The following RGS6 variants were observed in gnomAD, a reference collection of about 807,000 sequenced individuals.
The protein encoded by RGS6 is regulator of G-protein signaling 6.
RGS6 carries 30 observed loss-of-function variants against 78.5 expected under a neutral mutation model. That is an observed-to-expected ratio of 0.38 (90% CI 0.29 to 0.52). RGS6 has a LOEUF of 0.52. Ranked by LOEUF, RGS6 falls within the 20% of genes least tolerant of loss-of-function variation. The pLI is 0.85. For synonymous variants in RGS6, 206 were observed against 206.0 expected (o/e 1.00, Z 0.00); for missense variants, 495 against 609.7 (o/e 0.81, Z 1.98).
intron 2 of RGS6, among the ~76,000 whole-genome samples, chr14:72,027,003 G>T (rs1312878440): frequency 6.6e-6 from 1 of 152,106 alleles, no homozygotes; most frequent in Non-Finnish European, 1.5e-5. Context: ...CACAGATCTA[G>T]GCCTGGGGCT....
chr14:72,292,978 G>C (rs1366457176), intron 2 of RGS6, among the ~76,000 whole-genome samples: 1 of 152,154 alleles, frequency 6.6e-6, no homozygotes, highest in African/African-American at 2.4e-5. Context: ...CATCCCTGAA[G>C]GCTACTGACT....
chr14:72,518,311 G>C (rs1408418151), intron 14 of RGS6, 40 bp from the exon 15 acceptor site: 1 of 1,588,168 alleles, frequency 6.3e-7, no homozygotes, highest in Non-Finnish European at 8.6e-7. Context: ...TCCCGATGCT[G>C]AGCCCCCTGG....
At chr14:72,033,189 A>T (rs1164624880) in intron 2 of RGS6, among the ~76,000 whole-genome samples, 1 of 152,190 alleles carries the variant, frequency 6.6e-6, no homozygotes, top group Non-Finnish European at 1.5e-5. Flanking sequence ...AATTTATTAA[A>T]TACTGTACCA....
chr14:72,568,870 C>G (rs914891512), downstream of RGS6, among the ~76,000 whole-genome samples: 1 of 152,236 alleles, frequency 6.6e-6, no homozygotes. Flanking sequence ...TGGACCTCCA[C>G]GGGAGGGGCA....
chr14:72,227,885 G>A (rs778272096), intron 2 of RGS6, among the ~76,000 whole-genome samples: 54 of 152,060 alleles, frequency 3.6e-4, no homozygotes, highest in Non-Finnish European at 4.9e-4. Flanking sequence ...CTGGGGAGGG[G>A]GGAAGAGCAA....
intron 2 of RGS6, among the ~76,000 whole-genome samples, chr14:72,347,862 A>G (rs1476217226): frequency 6.6e-6 from 1 of 152,218 alleles, no homozygotes; most frequent in Non-Finnish European, 1.5e-5. Flanking sequence ...TCCAGCAAGG[A>G]AGAAATGAAT....
chr14:71,970,577 T>C (rs1477302246), intron 2 of RGS6, among the ~76,000 whole-genome samples: 1 of 152,124 alleles, frequency 6.6e-6, no homozygotes, highest in Non-Finnish European at 1.5e-5. Context: ...TTGGAATTCA[T>C]AGAGGGCAGT....
chr14:72,136,305 A>G (rs1212915401), intron 2 of RGS6, among the ~76,000 whole-genome samples: 1 of 152,190 alleles, frequency 6.6e-6, no homozygotes, highest in Non-Finnish European at 1.5e-5. Context: ...TCTTTAGCAT[A>G]GAGCGAATAT....
chr14:71,979,872 C>G (rs893648191), intron 2 of RGS6, among the ~76,000 whole-genome samples: 1 of 148,600 alleles, frequency 6.7e-6, no homozygotes. Context: ...GTTAAAGTCT[C>G]CCATTATTAA....
intron 3 of RGS6, among the ~76,000 whole-genome samples, chr14:72,361,842 G>T (rs1311272873): frequency 1.3e-5 from 2 of 152,104 alleles, no homozygotes; most frequent in Non-Finnish European, 2.9e-5. Flanking sequence ...TAGAGAAGAG[G>T]GAGGGGATGA....
intron 2 of RGS6, among the ~76,000 whole-genome samples, chr14:72,248,355 T>G (rs2054762121): frequency 6.6e-6 from 1 of 152,108 alleles, no homozygotes; most frequent in Non-Finnish European, 1.5e-5. Flanking sequence ...TCTCATGGAG[T>G]TTTTTGTTTG....
chr14:72,472,602 TCC>T (rs2096114421), intron 8 of RGS6, among the ~76,000 whole-genome samples: 1 of 152,194 alleles, frequency 6.6e-6, no homozygotes, highest in Non-Finnish European at 1.5e-5. Flanking sequence ...TTCTTATTCT[TCC>T]CTTAGGCCAC....
intron 2 of RGS6, among the ~76,000 whole-genome samples, chr14:72,286,644 AG>A (rs970056906): frequency 1.3e-5 from 2 of 152,098 alleles, no homozygotes; most frequent in African/African-American, 2.4e-5. Context: ...CCACAAACAC[AG>A]GGTATCTTTC....
intron 2 of RGS6, among the ~76,000 whole-genome samples, chr14:72,115,535 G>A (rs1455069490): frequency 6.6e-6 from 1 of 152,148 alleles, no homozygotes; most frequent in African/African-American, 2.4e-5. Flanking sequence ...CATCTGCCCA[G>A]GAGTCAGAGG....
At chr14:72,093,306 A>T (rs942450389) in intron 2 of RGS6, among the ~76,000 whole-genome samples, 2 of 152,138 alleles carry the variant, frequency 1.3e-5, no homozygotes, top group Non-Finnish European at 2.9e-5. Context: ...CAGTGGTGTG[A>T]TCATGGCTCA....
chr14:72,179,968 C>T (rs1436430209), intron 2 of RGS6, among the ~76,000 whole-genome samples: 2 of 152,180 alleles, frequency 1.3e-5, no homozygotes, highest in African/African-American at 4.8e-5. Flanking sequence ...GTCAGAAGAA[C>T]AACTCCTTAT....
In RGS6 at chr14:72,015,025, TC is replaced by T. The variant is rs377613721; in HGVS notation, c.84+50152del. The stretch of plus-strand genomic sequence containing the variant: ...TGATTTGTTTTAACTGCTGTTTTAG[TC>T]CATTTGTGTTGCTATAAAGGAATAC... On this transcript the variant is annotated intron_variant, in intron 2 of 17. Coordinates refer to ENST00000553525, the MANE Select transcript of RGS6 (RefSeq NM_001204424.2). Among the ~76,000 whole-genome samples, 147 of 152,332 alleles carry T rather than the reference TC, an allele frequency of 9.6e-4. 2 individuals are homozygous for T. The East Asian group carries it at 0.026, about 27-fold the overall frequency.
intron 2 of RGS6, among the ~76,000 whole-genome samples, chr14:72,263,577 G>A (rs553647063): frequency 1.0e-3 from 153 of 152,288 alleles, no homozygotes; most frequent in Admixed American, 1.2e-3. Context: ...TTAGAAAGTA[G>A]GTCTTTTGGG....
At chr14:72,146,737 A>G (rs1275280936) in intron 2 of RGS6, among the ~76,000 whole-genome samples, 2 of 152,184 alleles carry the variant, frequency 1.3e-5, no homozygotes, top group Admixed American at 6.5e-5. Flanking sequence ...TGCTTTTTTC[A>G]TTCTTTACAT....
Sources: allele counts gnomAD v4.1 joint callset (sites outside exome capture counted in the v4.1 genomes callset), GRCh38; gene constraint gnomAD v4.1.1; transcripts MANE v1.5; gene names NCBI Gene and HGNC (gene_info 2026-07-23, HGNC 2026-07-21).